Variants in MCMBP observed in about 807,000 individuals in gnomAD.
MCMBP encodes minichromosome maintenance complex binding protein.
MCMBP carries 31 observed loss-of-function variants against 81.3 expected under a neutral mutation model. The ratio of observed to expected loss-of-function variants is 0.38; its 90% CI spans 0.29 to 0.51. The LOEUF (loss-of-function observed/expected upper bound fraction) is 0.51. MCMBP is among the 20% of genes least tolerant of loss of function. The pLI is 0.87. For synonymous variants in MCMBP, 267 were observed against 275.9 expected, an observed-to-expected ratio of 0.97 and a Z score of 0.32; for missense variants, 645 against 772.1, an observed-to-expected ratio of 0.84 and a Z score of 1.95.
intron 5 of MCMBP, among the ~76,000 whole-genome samples, chr10:119,856,936 C>T (rs986095238): frequency 3.3e-5 from 5 of 151,324 alleles, no homozygotes; most frequent in Admixed American, 6.6e-5. Flanking sequence ...CCTGTTCCTA[C>T]AAGAAATCAA....
chr10:119,863,973 C>T (rs1853358012), intron 1 of MCMBP, among the ~76,000 whole-genome samples: 1 of 150,824 alleles, frequency 6.6e-6, no homozygotes, highest in African/African-American at 2.4e-5. Flanking sequence ...ATTAAGGTAG[C>T]AGATGGAATT....
chr10:119,832,194 G>T, intron 14 of MCMBP, 94 bp from the exon 15 acceptor site: 1 of 1,087,278 alleles, frequency 9.2e-7, no homozygotes, highest in Non-Finnish European at 1.3e-6. Flanking sequence ...GTGCATGTCA[G>T]CCTCTTAGAC....
chr10:119,837,562 C>T (rs1852289330), intron 12 of MCMBP, among the ~76,000 whole-genome samples: 1 of 152,150 alleles, frequency 6.6e-6, no homozygotes, highest in South Asian at 2.1e-4. Context: ...TAGTGCAAAC[C>T]ATTTGATCTA....
intron 6 of MCMBP, among the ~76,000 whole-genome samples, chr10:119,852,152 CAAAAAA>C (rs34142128): frequency 0.024 from 1,278 of 53,022 alleles, 20 homozygotes; most frequent in Middle Eastern, 0.073. Flanking sequence ...AACTCTGTCT[CAAAAAA>C]AAAAAAAAAA....
Position 119,832,043 on chromosome 10 carries a change from C to G in MCMBP, c.1765G>C (p.Asp589His), listed in dbSNP as rs1470137051. 1.9e-6 allele frequency: 3 copies of G among 1,613,146 alleles called. 1 individual carries two copies. In the Middle Eastern group the frequency reaches 5.0e-4, roughly 266 times the overall value. ...RKNDPQSITA[D>H]DLHQLLVVAR... is the part of the protein sequence containing the mutation. Reference sequence around the variant, plus strand: ...ACCACGAGCAGCTGGTGAAGATCATCAGCAGTGATGCTCTGAGGGTCGTTC... The same window carrying G: ...ACCACGAGCAGCTGGTGAAGATCATGAGCAGTGATGCTCTGAGGGTCGTTC... Residue 589 changes from aspartate (D) to histidine (H), a missense_variant, in exon 15 of 16, where the codon GAT becomes CAT. Physicochemically the swap from Asp to His is moderately conservative, Grantham distance 81. Transcript: ENST00000369077.
chr10:119,835,810 C>T, intron 13 of MCMBP, 106 bp from the exon 14 acceptor site: 3 of 1,177,966 alleles, frequency 2.5e-6, no homozygotes, highest in East Asian at 2.5e-5. Flanking sequence ...TTAGAAAATA[C>T]CACTTATTAT....
rs1460170539 is a variant in MCMBP at position 119,831,472 on chromosome 10, C to T, written c.*2G>A. 1 of 1,613,806 alleles carries T rather than the reference C, an allele frequency of 6.2e-7. No individual in the cohort carries two copies. Among genetic ancestry groups the T allele is most frequent in the South Asian group, 1.1e-5 (1 of 91,074 alleles). On this transcript the variant is annotated 3_prime_UTR_variant, in exon 16 of 16. Transcript: ENST00000369077. Reference sequence around the variant, plus strand: ...CCATTACTCTTCATAGGTATTACATCTTTAAAGTTCATTTCCATTCACACA... The same window carrying T: ...CCATTACTCTTCATAGGTATTACATTTTTAAAGTTCATTTCCATTCACACA...
intron 7 of MCMBP, among the ~76,000 whole-genome samples, chr10:119,848,836 A>G (rs906468201): frequency 6.6e-6 from 1 of 152,364 alleles, no homozygotes; most frequent in South Asian, 2.1e-4. Flanking sequence ...AGAAGGAAGA[A>G]GACAAAAATG....
At chr10:119,841,438 C>T (rs1000939644) in intron 10 of MCMBP, among the ~76,000 whole-genome samples, 1 of 152,120 alleles carries the variant, frequency 6.6e-6, no homozygotes, top group Non-Finnish European at 1.5e-5. Flanking sequence ...TAGAGAAAAG[C>T]TAGGAAAAGC....
Position 119,830,385 on chromosome 10 carries a change from C to G in MCMBP, c.*1089G>C, listed in dbSNP as rs142463210. 8.5e-5 allele frequency: 13 copies of G among 152,290 alleles called. No homozygotes were observed. The East Asian group carries it at 9.6e-4, about 11-fold the overall frequency. 9.4% of individuals were successfully genotyped at this position (152,290 alleles called of 1,614,324 possible). A position where few individuals can be genotyped will look rare whatever the true frequency, so the allele number is the denominator to read the frequency against. ...TTAAAACTAATTGGTCTGGAGAAAACCTACCTGCAGTTGTACGAGGCTGTT... is the reference window on the plus strand; with the variant it reads ...TTAAAACTAATTGGTCTGGAGAAAAGCTACCTGCAGTTGTACGAGGCTGTT... On this transcript the variant is annotated 3_prime_UTR_variant, in exon 16 of 16. Transcript: ENST00000369077.
intron 7 of MCMBP, among the ~76,000 whole-genome samples, chr10:119,848,079 A>T (rs1169665224): frequency 6.6e-6 from 1 of 152,130 alleles, no homozygotes; most frequent in Non-Finnish European, 1.5e-5. Flanking sequence ...AAAAAACAAA[A>T]ACAAGATGAT....
At chr10:119,839,995 A>G (rs949679709) in intron 11 of MCMBP, among the ~76,000 whole-genome samples, 4 of 152,246 alleles carry the variant, frequency 2.6e-5, no homozygotes, top group Non-Finnish European at 5.9e-5. Flanking sequence ...CAAGAATGTA[A>G]AACAATGTCA....
At chr10:119,862,329 C>T (rs569590147) in intron 1 of MCMBP, among the ~76,000 whole-genome samples, 1 of 151,976 alleles carries the variant, frequency 6.6e-6, no homozygotes, top group Non-Finnish European at 1.5e-5. Context: ...CCTCCTCCAC[C>T]ACGCAAAAAG....
In MCMBP at chr10:119,838,567, G is replaced by C. The variant is rs772503219; in HGVS notation, c.1376C>G (p.Thr459Ser). 20 of 1,614,024 alleles carry C rather than the reference G, an allele frequency of 1.2e-5. No individual in the cohort carries two copies. The Admixed American group carries it at 3.3e-4, about 27-fold the overall frequency. Residue 459 changes from threonine to serine, a missense_variant, in exon 12 of 16, where the codon ACT becomes AGT. Physicochemically the swap from Thr to Ser is moderately conservative, Grantham distance 58. Coordinates refer to ENST00000369077, the MANE Select transcript of MCMBP (RefSeq NM_001256378.2). ...PSNTSLVIDE[T>S]LLEQGQLDTP... Reference sequence around the variant, plus strand: ...ATCCAGCTGCCCCTGTTCCAGGAGAGTCTCATCGATTACAAGGGAAGTATT... The same window carrying C: ...ATCCAGCTGCCCCTGTTCCAGGAGACTCTCATCGATTACAAGGGAAGTATT...
In MCMBP at chr10:119,829,502, CAG is replaced by C. The variant is rs1355134903; in HGVS notation, c.*1970_*1971del. On this transcript the variant is annotated 3_prime_UTR_variant, in exon 16 of 16. Transcript: ENST00000369077. ...AGGCAAAGTTCCAAACAGGGTTACA[CAG>C]GAGTCTACTCAGTTTCCTGGCCATA... is the stretch of plus-strand genomic sequence containing the variant. 6.6e-6 allele frequency: 1 copy of C among 152,206 alleles called. No individual in the cohort carries two copies. The highest frequency in any genetic ancestry group is 2.4e-5 in the African/African-American group (1 of 41,452). The allele number at this position is 152,206 out of a possible 1,614,324, so 9.4% of individuals were successfully genotyped here. A position where few individuals can be genotyped will look rare whatever the true frequency, so the allele number is the denominator to read the frequency against.
At chr10:119,867,730 G>A (rs186825715) in intron 1 of MCMBP, among the ~76,000 whole-genome samples, 1 of 152,288 alleles carries the variant, frequency 6.6e-6, no homozygotes, top group Admixed American at 6.5e-5. Flanking sequence ...GAGTTGCTTG[G>A]ATTCCTGCTA....
intron 11 of MCMBP, among the ~76,000 whole-genome samples, chr10:119,840,384 C>T (rs561283923): frequency 2.6e-4 from 39 of 152,288 alleles, no homozygotes; most frequent in South Asian, 2.1e-4. Context: ...TCCCAAGATC[C>T]TACCACCACG....
In MCMBP at chr10:119,853,047, T is replaced by C; in HGVS notation, c.574+3A>G. On this transcript the variant is annotated splice_donor_region_variant and intron_variant, in intron 6 of 15. Transcript: ENST00000369077. ...CTAGAGAAAACCTGTTGGCACACAC[T>C]ACCTGCTTGTCTGGCACCTGCATGT... 3 of 1,614,090 alleles carry C rather than the reference T, an allele frequency of 1.9e-6. No individual in the cohort carries two copies. Among genetic ancestry groups the C allele is most frequent in the South Asian group, 1.1e-5 (1 of 91,064 alleles).
At position 119,829,907 on chromosome 10, in the gene MCMBP, AAC is replaced by A. The variant is rs1288486619; in HGVS notation, c.*1565_*1566del. The A allele has an allele frequency of 6.6e-6, 1 of 152,508 alleles. No homozygotes were observed. Among genetic ancestry groups the A allele is most frequent in the Non-Finnish European group, 1.5e-5 (1 of 68,038 alleles). 9.4% of individuals were successfully genotyped at this position (152,508 alleles called of 1,614,324 possible). A position where few individuals can be genotyped will look rare whatever the true frequency, so the allele number is the denominator to read the frequency against. On this transcript the variant is annotated 3_prime_UTR_variant, in exon 16 of 16. Transcript: ENST00000369077. The stretch of plus-strand genomic sequence containing the variant: ...AATTACAATTTACATTGGCACAAAA[AAC>A]ACATGGTGACTAATGTACTTTGCTC...
Sources: allele counts gnomAD v4.1 joint callset (sites outside exome capture counted in the v4.1 genomes callset), GRCh38; gene constraint gnomAD v4.1.1; transcripts MANE v1.5; gene names NCBI Gene and HGNC (gene_info 2026-07-23, HGNC 2026-07-21).